AKAP6: variants seen among roughly 807,000 people sequenced by gnomAD.
AKAP6 encodes A-kinase anchor protein 6.
Under a neutral mutation model 188.5 loss-of-function variants are expected in AKAP6, and 58 were observed. The ratio of observed to expected loss-of-function variants is 0.31; its 90% confidence interval spans 0.25 to 0.38. The LOEUF (loss-of-function observed/expected upper bound fraction) is 0.38, where lower values mean the gene tolerates loss of function less well. AKAP6 is among the 10% of genes least tolerant of loss of function. The pLI, the probability that AKAP6 is intolerant of heterozygous loss-of-function variation, is 1.00. For missense variants in AKAP6, 2,710 were observed against 2,740.0 expected, an observed-to-expected ratio of 0.99 and a Z score of 0.24; for synonymous variants, 989 against 998.6, an observed-to-expected ratio of 0.99 and a Z score of 0.18.
intron 2 of AKAP6, among the ~76,000 whole-genome samples, chr14:32,530,350 C>T (rs1481020349): frequency 6.6e-6 from 1 of 151,876 alleles, no homozygotes; most frequent in Non-Finnish European, 1.5e-5. Context: ...GCCTTTCTTT[C>T]CTTCTTTTTT....
rs572182170 is a variant in AKAP6 at position 32,626,365 on chromosome 14, T to G, written c.2730+25573T>G. Among the ~76,000 whole-genome samples the G allele has an allele frequency of 3.2e-4, 48 of 152,206 alleles. No individual in the cohort carries two copies. The South Asian group carries it at 9.3e-3, about 30-fold the overall frequency. On this transcript the variant is annotated intron_variant, in intron 7 of 13. Transcript: ENST00000280979. ...ATTGGCTCTCAGCTTCAATTTTCCTTTTTTTAAAATATACTAATCACTCTA... is the reference window on the plus strand; with the variant it reads ...ATTGGCTCTCAGCTTCAATTTTCCTGTTTTTAAAATATACTAATCACTCTA...
intron 9 of AKAP6, among the ~76,000 whole-genome samples, chr14:32,696,343 G>A (rs1455359638): frequency 2.0e-5 from 3 of 152,104 alleles, no homozygotes; most frequent in East Asian, 1.9e-4. Flanking sequence ...TAATTCTATA[G>A]AAGGACAAAG....
intron 5 of AKAP6, among the ~76,000 whole-genome samples, chr14:32,584,210 C>A (rs576970231): frequency 1.3e-5 from 2 of 152,306 alleles, no homozygotes; most frequent in Non-Finnish European, 2.9e-5. Flanking sequence ...CCTAAAACCT[C>A]AGATAGCACC....
At chr14:32,522,116 TG>T (rs1362860175) in intron 2 of AKAP6, among the ~76,000 whole-genome samples, 2 of 152,216 alleles carry the variant, frequency 1.3e-5, no homozygotes, top group Non-Finnish European at 2.9e-5. Flanking sequence ...TAAATGGTGC[TG>T]GGAAAACTGG....
intron 1 of AKAP6, among the ~76,000 whole-genome samples, chr14:32,355,785 T>TC (rs1180708807): frequency 2.2e-4 from 33 of 149,666 alleles, no homozygotes; most frequent in African/African-American, 6.6e-4. Flanking sequence ...TCTTTTCTTT[T>TC]TTTTTTTGAG....
intron 2 of AKAP6, among the ~76,000 whole-genome samples, chr14:32,497,006 T>C (rs1880354070): frequency 6.6e-6 from 1 of 152,170 alleles, no homozygotes; most frequent in South Asian, 2.1e-4. Context: ...CTTATGTTTC[T>C]GCCAAGTGCT....
chr14:32,548,372 G>A lies in AKAP6; in HGVS notation c.2346+1373G>A, dbSNP rs1326149571. ...CTGCCTTGGCATCCCAAAGTGCTGG[G>A]ATTACAGGCGTGAGCCACTGTGCGT... On this transcript the variant is annotated intron_variant, in intron 4 of 13. Transcript: ENST00000280979. Among the ~76,000 whole-genome samples the A allele has an allele frequency of 2.0e-5, 3 of 151,798 alleles. No homozygotes were observed. The East Asian group carries it at 5.8e-4, about 29-fold the overall frequency.
At chr14:32,785,117 A>G (rs1185892573) in intron 12 of AKAP6, among the ~76,000 whole-genome samples, 1 of 152,130 alleles carries the variant, frequency 6.6e-6, no homozygotes, top group Non-Finnish European at 1.5e-5. Context: ...ACCATTTGGA[A>G]ATAAATCCAG....
At chr14:32,544,970 A>G (rs569374237) in intron 3 of AKAP6, among the ~76,000 whole-genome samples, 4 of 152,232 alleles carry the variant, frequency 2.6e-5, no homozygotes, top group African/African-American at 9.6e-5. Flanking sequence ...TCAAGAATGG[A>G]TTTTTTTGGC....
intron 9 of AKAP6, among the ~76,000 whole-genome samples, chr14:32,710,634 CAA>C (rs1334083028): frequency 1.3e-5 from 2 of 152,002 alleles, no homozygotes; most frequent in African/African-American, 4.8e-5. Flanking sequence ...TGGCGCTACA[CAA>C]AGCGTTTCTA....
At chr14:32,599,542 TCC>T (rs1885838451) in intron 6 of AKAP6, 36 bp downstream of exon 6, 1 of 1,518,924 alleles carries the variant, frequency 6.6e-7, no homozygotes, top group Admixed American at 1.7e-5. Context: ...TCTTTACGTC[TCC>T]AGACTATTAA....
chr14:32,457,649 G>C (rs547661831), intron 2 of AKAP6, among the ~76,000 whole-genome samples: 52 of 152,248 alleles, frequency 3.4e-4, no homozygotes, highest in African/African-American at 1.1e-3. Flanking sequence ...TGCTGCTGGC[G>C]CTGACATCCT....
intron 2 of AKAP6, among the ~76,000 whole-genome samples, chr14:32,448,863 C>A (rs1890841652): frequency 6.6e-6 from 1 of 152,084 alleles, no homozygotes; most frequent in Non-Finnish European, 1.5e-5. Context: ...ATACTTAATT[C>A]TACAATCTTG....
chr14:32,777,967 A>G (rs1158235739), intron 12 of AKAP6, among the ~76,000 whole-genome samples: 2 of 152,144 alleles, frequency 1.3e-5, no homozygotes, highest in African/African-American at 4.8e-5. Context: ...TGAGCCTGGG[A>G]GGTTGTGGCT....
At chr14:32,479,752 A>G (rs955618078) in intron 2 of AKAP6, among the ~76,000 whole-genome samples, 12 of 151,018 alleles carry the variant, frequency 7.9e-5, no homozygotes, top group Non-Finnish European at 1.8e-4. Flanking sequence ...CCTGAGAGAG[A>G]CCCCTTGCCT....
At chr14:32,541,880 A>G (rs1403064070) in intron 3 of AKAP6, among the ~76,000 whole-genome samples, 1 of 152,228 alleles carries the variant, frequency 6.6e-6, no homozygotes, top group Non-Finnish European at 1.5e-5. Flanking sequence ...CACAAAAGTT[A>G]TACAATTCCA....
At chr14:32,544,274 C>G (rs1883088302) in intron 3 of AKAP6, among the ~76,000 whole-genome samples, 1 of 152,158 alleles carries the variant, frequency 6.6e-6, no homozygotes, top group African/African-American at 2.4e-5. Context: ...TTAGATCAGT[C>G]TGTTATTTAG....
intron 1 of AKAP6, among the ~76,000 whole-genome samples, chr14:32,426,820 C>A (rs140179199): frequency 6.6e-6 from 1 of 152,046 alleles, no homozygotes; most frequent in Non-Finnish European, 1.5e-5. Flanking sequence ...ATCTGGATAT[C>A]CCTGCCATGG....
chr14:32,706,358 C>T (rs778125969), intron 9 of AKAP6, among the ~76,000 whole-genome samples: 5 of 152,114 alleles, frequency 3.3e-5, no homozygotes, highest in Non-Finnish European at 7.4e-5. Context: ...TGTTCTTAAG[C>T]ACCTCAATAC....
Sources: allele counts gnomAD v4.1 joint callset (sites outside exome capture counted in the v4.1 genomes callset), GRCh38; gene constraint gnomAD v4.1.1; transcripts MANE v1.5; gene names NCBI Gene and HGNC (gene_info 2026-07-23, HGNC 2026-07-21).